The following ARHGEF28 variants were observed in gnomAD, a reference collection of about 807,000 sequenced individuals.
ARHGEF28 encodes the protein 190 kDa guanine nucleotide exchange factor.
In ARHGEF28, 152 loss-of-function variants were observed where a neutral mutation model predicts 206.6. The ratio of observed to expected loss-of-function variants is 0.74; its 90% CI spans 0.64 to 0.84. The LOEUF (loss-of-function observed/expected upper bound fraction) is 0.84. Ranked by LOEUF, ARHGEF28 falls within the 40% of genes least tolerant of loss-of-function variation. The pLI is 0.00. For synonymous variants in ARHGEF28, 763 were observed against 776.4 expected (o/e 0.98, Z 0.29); for missense variants, 2,028 against 2,073.2 (o/e 0.98, Z 0.42).
chr5:73,867,517 C>A (rs552905723), intron 18 of ARHGEF28, among the ~76,000 whole-genome samples: 11 of 152,262 alleles, frequency 7.2e-5, no homozygotes, highest in African/African-American at 2.2e-4. Flanking sequence ...AGTAACAGTA[C>A]TAATAACACC....
At chr5:73,844,607 T>C (rs1428227588) in intron 11 of ARHGEF28, among the ~76,000 whole-genome samples, 1 of 149,806 alleles carries the variant, frequency 6.7e-6, no homozygotes, top group East Asian at 2.0e-4. Flanking sequence ...CATTTTCTGG[T>C]TCTTGTATTT....
chr5:73,829,498 G>A (rs1757157024), intron 9 of ARHGEF28, among the ~76,000 whole-genome samples: 2 of 152,122 alleles, frequency 1.3e-5, no homozygotes, highest in South Asian at 4.1e-4. Context: ...TCCTGCCTCA[G>A]CCTTCCGAGT....
intron 12 of ARHGEF28, among the ~76,000 whole-genome samples, chr5:73,848,439 AG>A (rs1466533544): frequency 9.2e-5 from 14 of 152,298 alleles, no homozygotes; most frequent in African/African-American, 3.1e-4. Flanking sequence ...ACAGATTGGA[AG>A]GATTTGTATA....
At chr5:73,658,637 G>A (rs1365452303) in intron 1 of ARHGEF28, among the ~76,000 whole-genome samples, 3 of 152,092 alleles carry the variant, frequency 2.0e-5, no homozygotes, top group Non-Finnish European at 4.4e-5. Context: ...AAGGATGGAG[G>A]AAAACTGAAA....
chr5:73,797,247 G>A (rs1754874338), intron 9 of ARHGEF28, among the ~76,000 whole-genome samples: 1 of 150,836 alleles, frequency 6.6e-6, no homozygotes, highest in Non-Finnish European at 1.5e-5. Flanking sequence ...AGTCCCCTGA[G>A]TTTTTGCAAA....
At chr5:73,767,896 G>C (rs917452163) in intron 4 of ARHGEF28, among the ~76,000 whole-genome samples, 1 of 152,178 alleles carries the variant, frequency 6.6e-6, no homozygotes, top group African/African-American at 2.4e-5. Flanking sequence ...TGGTTTCATG[G>C]GCTGGGCCCA....
intron 2 of ARHGEF28, among the ~76,000 whole-genome samples, chr5:73,743,544 T>C (rs1751553520): frequency 6.6e-6 from 1 of 152,224 alleles, no homozygotes; most frequent in African/African-American, 2.4e-5. Context: ...AAATTGGCAT[T>C]CTGATATTTC....
intron 3 of ARHGEF28, 61 bp from the exon 4 acceptor site, chr5:73,752,848 G>T (rs1359215231): frequency 1.9e-6 from 3 of 1,581,788 alleles, no homozygotes; most frequent in Non-Finnish European, 2.6e-6. Flanking sequence ...TAGCACATTG[G>T]ACCCCTGTGA....
intron 33 of ARHGEF28, chr5:73,904,661 C>A (rs1194619912): frequency 1.9e-5 from 9 of 485,596 alleles, no homozygotes; most frequent in South Asian, 3.8e-5. Flanking sequence ...TGAATATGAT[C>A]TGGCTTGACA....
intron 7 of ARHGEF28, among the ~76,000 whole-genome samples, chr5:73,787,746 CA>C (rs1251780761): frequency 6.6e-6 from 1 of 152,116 alleles, no homozygotes; most frequent in African/African-American, 2.4e-5. Context: ...CAGAGCAATT[CA>C]GCCTTTTCTG....
At chr5:73,637,095 A>T (rs918999300) in intron 1 of ARHGEF28, among the ~76,000 whole-genome samples, 9 of 152,208 alleles carry the variant, frequency 5.9e-5, no homozygotes, top group African/African-American at 1.9e-4. Flanking sequence ...ATAATCAAGT[A>T]ATTATTTTTA....
chr5:73,704,477 T>A (rs1454006735), intron 2 of ARHGEF28, among the ~76,000 whole-genome samples: 1 of 152,094 alleles, frequency 6.6e-6, no homozygotes, highest in Non-Finnish European at 1.5e-5. Context: ...CAGGCTGGAG[T>A]GCAGTGGAGC....
intron 7 of ARHGEF28, among the ~76,000 whole-genome samples, chr5:73,783,547 G>A (rs566401001): frequency 6.6e-6 from 1 of 152,258 alleles, no homozygotes; most frequent in Admixed American, 6.5e-5. Context: ...GGAATGGATG[G>A]GAGAGGCCTA....
At chr5:73,665,838 C>T (rs1745917217) in intron 1 of ARHGEF28, among the ~76,000 whole-genome samples, 2 of 152,148 alleles carry the variant, frequency 1.3e-5, no homozygotes, top group South Asian at 2.1e-4. Context: ...CTGGAGGACA[C>T]ATTCAAACCA....
chr5:73,674,981 A>G (rs532890373), intron 1 of ARHGEF28, among the ~76,000 whole-genome samples: 40 of 152,300 alleles, frequency 2.6e-4, no homozygotes, highest in African/African-American at 9.4e-4. Flanking sequence ...AAACCAGTAC[A>G]TGTAAGTGTT....
intron 2 of ARHGEF28, among the ~76,000 whole-genome samples, chr5:73,732,472 T>C (rs1343918657): frequency 1.3e-5 from 2 of 152,218 alleles, no homozygotes; most frequent in Non-Finnish European, 2.9e-5. Context: ...TATTTATCAT[T>C]TGCCTACTGA....
At chr5:73,672,044 G>A (rs527584861) in intron 1 of ARHGEF28, among the ~76,000 whole-genome samples, 6 of 152,058 alleles carry the variant, frequency 3.9e-5, no homozygotes, top group African/African-American at 1.4e-4. Context: ...ATTTCATTGT[G>A]AGGGGAGGGC....
chr5:73,833,398 G>A (rs1374188865), intron 10 of ARHGEF28, among the ~76,000 whole-genome samples: 1 of 151,960 alleles, frequency 6.6e-6, no homozygotes, highest in African/African-American at 2.4e-5. Flanking sequence ...CCCTTCAGTA[G>A]CACATCTCTG....
intron 1 of ARHGEF28, among the ~76,000 whole-genome samples, chr5:73,658,962 TACACAC>T (rs55877309): frequency 0.042 from 5,206 of 124,800 alleles, 197 homozygotes; most frequent in African/African-American, 0.11. Flanking sequence ...TGCATGCAGG[TACACAC>T]ACACACACAC....
Sources: allele counts gnomAD v4.1 joint callset (sites outside exome capture counted in the v4.1 genomes callset), GRCh38; gene constraint gnomAD v4.1.1; transcripts MANE v1.5; gene names NCBI Gene and HGNC (gene_info 2026-07-23, HGNC 2026-07-21).